The following FUT8 variants were observed in gnomAD, a reference collection of about 807,000 sequenced individuals.
FUT8 encodes fucosyltransferase 8.
In FUT8, 29 loss-of-function variants were observed where a neutral mutation model predicts 71.3. The observed-to-expected ratio is 0.41, with a 90% confidence interval of 0.30 to 0.55. The LOEUF is 0.55. Ranked by LOEUF, FUT8 falls within the 20% of genes least tolerant of loss-of-function variation. The probability of loss-of-function intolerance (pLI) is 0.34; values close to 1 mark genes in which losing one functional copy is unlikely to be tolerated. For missense variants in FUT8, 544 were observed against 702.1 expected, an observed-to-expected ratio of 0.77 and a Z score of 2.55; for synonymous variants, 254 against 239.3, an observed-to-expected ratio of 1.06 and a Z score of -0.57.
intron 2 of FUT8, chr14:65,528,705 A>C (rs1323907509): frequency 6.6e-6 from 1 of 152,186 alleles, no homozygotes; most frequent in East Asian, 1.9e-4. Flanking sequence ...GAGGATCAAA[A>C]TAAAATTGAT....
the FUT8 span, among the ~76,000 whole-genome samples, chr14:65,380,793 G>C: frequency 6.6e-6 from 1 of 152,202 alleles, no homozygotes; most frequent in African/African-American, 2.4e-5. Flanking sequence ...TGAATGTATT[G>C]ATCCCAATTT....
chr14:65,421,194 G>GAA (rs61617981), intron 1 of FUT8, among the ~76,000 whole-genome samples: 11 of 94,836 alleles, frequency 1.2e-4, no homozygotes, highest in East Asian at 3.1e-4. Context: ...TCCATCTCAG[G>GAA]AAAAAAAAAA....
intron 2 of FUT8, among the ~76,000 whole-genome samples, chr14:65,494,887 G>A (rs1281717679): frequency 6.6e-6 from 1 of 152,044 alleles, no homozygotes; most frequent in African/African-American, 2.4e-5. Context: ...AAATGTTTAG[G>A]TTTCTGCTGA....
intron 3 of FUT8, among the ~76,000 whole-genome samples, chr14:65,569,008 G>A (rs938383502): frequency 7.9e-5 from 12 of 151,656 alleles, no homozygotes; most frequent in African/African-American, 4.8e-5. Flanking sequence ...TCTATTGAGT[G>A]TAGAATTTAC....
chr14:65,378,151 CA>C, the FUT8 span, among the ~76,000 whole-genome samples: 1 of 152,084 alleles, frequency 6.6e-6, no homozygotes, highest in East Asian at 1.9e-4. Flanking sequence ...GTAATGGAGC[CA>C]GCTGTATGAA....
chr14:65,580,070 T>TTATATATATATATATATATATATATATA (rs59069113), intron 3 of FUT8, among the ~76,000 whole-genome samples: 99 of 142,790 alleles, frequency 6.9e-4, no homozygotes, highest in African/African-American at 2.4e-3. Context: ...GTGCTATATT[T>TTATATATATATATATATATATATATATA]TATATATATA....
chr14:65,426,708 T>TA (rs2065393591), intron 1 of FUT8, among the ~76,000 whole-genome samples: 2 of 152,202 alleles, frequency 1.3e-5, no homozygotes, highest in South Asian at 4.1e-4. Context: ...GCGCTCTTCT[T>TA]ACACCTGCTG....
chr14:65,676,041 G>T (rs891268116), intron 7 of FUT8, among the ~76,000 whole-genome samples: 1 of 151,664 alleles, frequency 6.6e-6, no homozygotes, highest in Non-Finnish European at 1.5e-5. Flanking sequence ...AACAAAACCT[G>T]TCTCCCCAGA....
chr14:65,399,858 A>G, the FUT8 span, among the ~76,000 whole-genome samples: 1 of 152,234 alleles, frequency 6.6e-6, no homozygotes, highest in Admixed American at 6.5e-5. Flanking sequence ...TGCAAGATCT[A>G]ATAACATGTA....
the FUT8 span, among the ~76,000 whole-genome samples, chr14:65,401,917 A>G: frequency 3.4e-5 from 4 of 118,678 alleles, no homozygotes; most frequent in African/African-American, 6.3e-5. Context: ...AAAAAAAAAA[A>G]GGGATTGAGT....
intron 5 of FUT8, among the ~76,000 whole-genome samples, chr14:65,620,589 G>C (rs1889555511): frequency 6.6e-6 from 1 of 152,108 alleles, no homozygotes; most frequent in South Asian, 2.1e-4. Flanking sequence ...GAAGGTCCAA[G>C]AATTGATATT....
chr14:65,599,830 A>C (rs1888204113), intron 3 of FUT8, among the ~76,000 whole-genome samples: 1 of 152,206 alleles, frequency 6.6e-6, no homozygotes, highest in South Asian at 2.1e-4. Flanking sequence ...TACTTTCTTT[A>C]TTTGGAAAAA....
At chr14:65,599,935 T>C (rs1314378958) in intron 3 of FUT8, among the ~76,000 whole-genome samples, 2 of 152,198 alleles carry the variant, frequency 1.3e-5, no homozygotes, top group African/African-American at 2.4e-5. Flanking sequence ...TGCCATAAGA[T>C]ATTTTCACCA....
intron 1 of FUT8, among the ~76,000 whole-genome samples, chr14:65,433,993 G>A (rs1221538216): frequency 1.3e-5 from 2 of 152,144 alleles, no homozygotes; most frequent in African/African-American, 2.4e-5. Flanking sequence ...GTGTGTGATT[G>A]CCCTACAGTG....
At chr14:65,446,930 A>G (rs112482833) in intron 1 of FUT8, among the ~76,000 whole-genome samples, 11 of 151,958 alleles carry the variant, frequency 7.2e-5, no homozygotes, top group African/African-American at 2.7e-4. Context: ...CAGCTTCCTG[A>G]GTAACTGGGA....
intron 6 of FUT8, among the ~76,000 whole-genome samples, chr14:65,635,960 T>G (rs1021748926): frequency 6.6e-6 from 1 of 152,182 alleles, no homozygotes; most frequent in Non-Finnish European, 1.5e-5. Flanking sequence ...TGAATCCATT[T>G]GGTCCTGGAC....
intron 1 of FUT8, among the ~76,000 whole-genome samples, chr14:65,445,343 G>A (rs941296244): frequency 3.3e-5 from 5 of 152,142 alleles, no homozygotes; most frequent in South Asian, 2.1e-4. Flanking sequence ...AGATGCTGGC[G>A]CCTTGATCTT....
chr14:65,620,837 C>A (rs1200111589), intron 5 of FUT8, among the ~76,000 whole-genome samples: 1 of 152,146 alleles, frequency 6.6e-6, no homozygotes, highest in African/African-American at 2.4e-5. Context: ...TCTAAGGAAT[C>A]CAAGCTTATT....
intron 6 of FUT8, among the ~76,000 whole-genome samples, chr14:65,667,416 A>G (rs1331219152): frequency 6.6e-6 from 1 of 152,154 alleles, no homozygotes; most frequent in Non-Finnish European, 1.5e-5. Flanking sequence ...ATGCAATCCT[A>G]GTCAAAATTG....
Sources: allele counts gnomAD v4.1 joint callset (sites outside exome capture counted in the v4.1 genomes callset), GRCh38; gene constraint gnomAD v4.1.1; transcripts MANE v1.5; gene names NCBI Gene and HGNC (gene_info 2026-07-23, HGNC 2026-07-21).